Variants in ST8SIA6 observed in about 807,000 individuals in gnomAD.
ST8SIA6 encodes ST8 alpha-N-acetyl-neuraminide alpha-2,8-sialyltransferase 6.
In ST8SIA6, 39 loss-of-function variants were observed where a neutral mutation model predicts 33.6. The observed-to-expected ratio is 1.16, with a 90% confidence interval of 0.90 to 1.52. The LOEUF (loss-of-function observed/expected upper bound fraction) is 1.52, where lower values mean the gene tolerates loss of function less well. Among genes scored for constraint, ST8SIA6 ranks in the 40% most tolerant of loss-of-function variants. The pLI, the probability that ST8SIA6 is intolerant of heterozygous loss-of-function variation, is 0.00. For missense variants in ST8SIA6, 441 were observed against 443.8 expected (o/e 0.99, Z 0.06); for synonymous variants, 172 against 167.2 (o/e 1.03, Z -0.22).
At chr10:17,376,189 C>T (rs915985583) in intron 3 of ST8SIA6, among the ~76,000 whole-genome samples, 61 of 152,152 alleles carry the variant, frequency 4.0e-4, no homozygotes, top group Admixed American at 1.3e-3. Context: ...GTGCAGTATC[C>T]GCTTTCTCTT....
chr10:17,426,629 G>A (rs1424881259), intron 2 of ST8SIA6, among the ~76,000 whole-genome samples: 2 of 152,348 alleles, frequency 1.3e-5, no homozygotes, highest in Middle Eastern at 3.4e-3. Flanking sequence ...AGGCTGGCAG[G>A]TGGAAGTTGA....
chr10:17,367,799 A>G (rs576689654), intron 3 of ST8SIA6, among the ~76,000 whole-genome samples: 1 of 152,304 alleles, frequency 6.6e-6, no homozygotes, highest in South Asian at 2.1e-4. Flanking sequence ...TAAATTCACT[A>G]TTTCACCATT....
In ST8SIA6 at chr10:17,342,388, G is replaced by A. The variant is rs77779377; in HGVS notation, c.378-10836C>T. The stretch of plus-strand genomic sequence containing the variant: ...CAGTCTGGGAGTTAGGGGAGATTTT[G>A]TGATGGAGCTGTTAACACCGAACCC... On this transcript the variant is annotated intron_variant, in intron 4 of 7. Coordinates refer to ENST00000377602, the MANE Select transcript of ST8SIA6 (RefSeq NM_001004470.3). 4.6e-5 allele frequency among the ~76,000 whole-genome samples: 7 copies of A among 152,252 alleles called. No individual in the cohort carries two copies. The East Asian group carries it at 1.4e-3, about 29-fold the overall frequency.
At chr10:17,382,855 T>C (rs976575974) in intron 3 of ST8SIA6, among the ~76,000 whole-genome samples, 1 of 152,224 alleles carries the variant, frequency 6.6e-6, no homozygotes, top group African/African-American at 2.4e-5. Context: ...TCTCTATAAA[T>C]TAACCATTAG....
chr10:17,395,983 A>G (rs750441410), intron 2 of ST8SIA6, among the ~76,000 whole-genome samples: 8 of 152,206 alleles, frequency 5.3e-5, no homozygotes, highest in African/African-American at 1.4e-4. Flanking sequence ...GAGATAAGTT[A>G]TGGGAGAGAC....
At chr10:17,346,146 C>A (rs1371982762) in intron 4 of ST8SIA6, among the ~76,000 whole-genome samples, 1 of 152,228 alleles carries the variant, frequency 6.6e-6, no homozygotes, top group African/African-American at 2.4e-5. Context: ...GCTCAAGTCA[C>A]ATATGGAGGT....
intron 2 of ST8SIA6, among the ~76,000 whole-genome samples, chr10:17,414,023 AATACACGCCTCCTATCTTC>A (rs980865551): frequency 1.5e-4 from 23 of 152,258 alleles, no homozygotes; most frequent in African/African-American, 3.9e-4. Flanking sequence ...CCCCATGCCC[AATACACGCCTCCTATCTTC>A]ATACACGCCT....
At chr10:17,360,796 G>A (rs1023390846) in intron 3 of ST8SIA6, among the ~76,000 whole-genome samples, 2 of 151,984 alleles carry the variant, frequency 1.3e-5, no homozygotes, top group Non-Finnish European at 2.9e-5. Context: ...CAAGATGGCA[G>A]ATTTAGGCCC....
chr10:17,346,760 TG>T (rs1183881604), intron 4 of ST8SIA6, among the ~76,000 whole-genome samples: 1 of 152,212 alleles, frequency 6.6e-6, no homozygotes, highest in Non-Finnish European at 1.5e-5. Context: ...TAGCTATGTG[TG>T]TCTGGGCTCT....
chr10:17,353,574 C>T (rs549999933), intron 4 of ST8SIA6, among the ~76,000 whole-genome samples: 70 of 152,264 alleles, frequency 4.6e-4, no homozygotes, highest in Non-Finnish European at 3.2e-4. Context: ...ACATATCCAA[C>T]ACAAGAAAGA....
intron 3 of ST8SIA6, among the ~76,000 whole-genome samples, chr10:17,387,956 A>G (rs1002603063): frequency 4.6e-5 from 7 of 152,164 alleles, no homozygotes; most frequent in African/African-American, 1.7e-4. Context: ...TCAATGGTTC[A>G]TTTTCTGTGT....
chr10:17,356,102 A>G (rs926946857), intron 4 of ST8SIA6, among the ~76,000 whole-genome samples: 1 of 152,210 alleles, frequency 6.6e-6, no homozygotes, highest in Non-Finnish European at 1.5e-5. Flanking sequence ...TTGTCTTTCT[A>G]AAGTGACTAT....
chr10:17,334,507 C>T (rs1322134712), intron 4 of ST8SIA6, among the ~76,000 whole-genome samples: 2 of 149,792 alleles, frequency 1.3e-5, no homozygotes, highest in African/African-American at 4.9e-5. Flanking sequence ...CCACTGCACT[C>T]CAGCCTGGGC....
chr10:17,350,721 A>G (rs1248747927), intron 4 of ST8SIA6, among the ~76,000 whole-genome samples: 1 of 151,982 alleles, frequency 6.6e-6, no homozygotes, highest in Non-Finnish European at 1.5e-5. Flanking sequence ...CACTTGGTAC[A>G]TTGGGAAAAA....
intron 2 of ST8SIA6, among the ~76,000 whole-genome samples, chr10:17,450,826 G>A (rs1264986488): frequency 6.6e-6 from 1 of 152,118 alleles, no homozygotes; most frequent in Admixed American, 6.6e-5. Flanking sequence ...AACAAATATT[G>A]CCAGAAAGAG....
chr10:17,392,696 G>A (rs1850659943), intron 2 of ST8SIA6, among the ~76,000 whole-genome samples: 1 of 152,176 alleles, frequency 6.6e-6, no homozygotes, highest in Admixed American at 6.5e-5. Context: ...CAGGACTCTA[G>A]GAGAGAGCTG....
At chr10:17,369,766 C>T (rs376801458) in intron 3 of ST8SIA6, among the ~76,000 whole-genome samples, 4 of 152,054 alleles carry the variant, frequency 2.6e-5, no homozygotes, top group African/African-American at 9.7e-5. Context: ...AATGGATGAC[C>T]TTTATCATAT....
rs368257348 is a variant in ST8SIA6 at position 17,344,927 on chromosome 10, C to T, written c.378-13375G>A. Among the ~76,000 whole-genome samples the T allele has an allele frequency of 5.9e-5, 9 of 152,268 alleles. No homozygotes were observed. In the South Asian group the frequency reaches 1.5e-3, roughly 25 times the overall value. On this transcript the variant is annotated intron_variant, in intron 4 of 7. Transcript: ENST00000377602. ...GCAAGAAAGATAGGATATCTTTTCA[C>T]GTGGACATGAATGGATAAACAAATC...
At chr10:17,411,926 T>G (rs1371430745) in intron 2 of ST8SIA6, among the ~76,000 whole-genome samples, 1 of 152,152 alleles carries the variant, frequency 6.6e-6, no homozygotes, top group Non-Finnish European at 1.5e-5. Context: ...AGGAATGTTT[T>G]TTTTTTTCTG....
Sources: gnomAD v4.1 joint callset for allele counts (sites outside exome capture counted in the v4.1 genomes callset) on GRCh38, gnomAD v4.1.1 for gene constraint, MANE v1.5 for transcripts, NCBI Gene and HGNC (gene_info 2026-07-23, HGNC 2026-07-21) for gene names.